The following PRKACA variants were observed in gnomAD, a reference collection of about 807,000 sequenced individuals.
PRKACA encodes the protein protein kinase cAMP-activated catalytic subunit alpha, also known as cAMP-dependent protein kinase catalytic subunit alpha.
PRKACA carries 9 observed loss-of-function variants against 45.8 expected under a neutral mutation model. The ratio of observed to expected loss-of-function variants is 0.20; its 90% confidence interval spans 0.12 to 0.34. The LOEUF (loss-of-function observed/expected upper bound fraction) is 0.34, where lower values mean the gene tolerates loss of function less well. PRKACA is among the 10% of genes least tolerant of loss of function. PRKACA has a pLI of 1.00. For missense variants in PRKACA, 238 were observed against 458.6 expected (o/e 0.52, Z 4.39); for synonymous variants, 160 against 178.6 (o/e 0.90, Z 0.83).
chr19:14,098,451 TG>T, intron 5 of PRKACA: 1 of 154,208 alleles, frequency 6.5e-6, no homozygotes, highest in East Asian at 1.9e-4. Flanking sequence ...TCTGTATGTA[TG>T]TAGATATGTG....
At chr19:14,105,487 G>T (rs1977575170) in intron 3 of PRKACA, among the ~76,000 whole-genome samples, 1 of 151,634 alleles carries the variant, frequency 6.6e-6, no homozygotes, top group African/African-American at 2.4e-5. Flanking sequence ...GTCCAGCCTG[G>T]GCGACAAGAG....
intron 1 of PRKACA, among the ~76,000 whole-genome samples, chr19:14,116,798 G>T (rs1967115920): frequency 6.6e-6 from 1 of 152,092 alleles, no homozygotes; most frequent in Non-Finnish European, 1.5e-5. Flanking sequence ...ACAGACGCTT[G>T]CTTGGAGGAC....
intron 9 of PRKACA, 105 bp from the exon 10 acceptor site, chr19:14,093,342 A>G: frequency 1.4e-6 from 2 of 1,434,174 alleles, no homozygotes; most frequent in East Asian, 2.3e-5. Context: ...ACTCTGACTC[A>G]GGCCTGTGCT....
At chr19:14,094,471 G>T (rs371240856) in intron 8 of PRKACA, among the ~76,000 whole-genome samples, 37 of 152,354 alleles carry the variant, frequency 2.4e-4, no homozygotes, top group African/African-American at 8.4e-4. Context: ...TTACAGGTGT[G>T]AGCCACCGTG....
chr19:14,114,382 C>T (rs1967063687), intron 1 of PRKACA, among the ~76,000 whole-genome samples: 1 of 152,152 alleles, frequency 6.6e-6, no homozygotes, highest in South Asian at 2.1e-4. Flanking sequence ...AAGGGGAGAG[C>T]TGCCTTGATA....
chr19:14,092,857 G>A lies in PRKACA; in HGVS notation c.*255C>T, dbSNP rs1332015981. ...GGGCTGGGAGGGCTGAGGGGCTGGGGGGCTGTGGGGAAAGAGGAAGGGAAA... is the reference window on the plus strand; with the variant it reads ...GGGCTGGGAGGGCTGAGGGGCTGGGAGGCTGTGGGGAAAGAGGAAGGGAAA... On this transcript the variant is annotated 3_prime_UTR_variant, in exon 10 of 10. Coordinates refer to ENST00000308677, the MANE Select transcript of PRKACA (RefSeq NM_002730.4). The A allele has an allele frequency of 1.9e-6, 1 of 515,836 alleles. No individual in the cohort carries two copies. The highest frequency in any genetic ancestry group is 3.3e-5 in the Admixed American group (1 of 30,012). 32.0% of individuals were successfully genotyped at this position (515,836 alleles called of 1,614,324 possible). A position where few individuals can be genotyped will look rare whatever the true frequency, so the allele number is the denominator to read the frequency against.
Position 14,092,239 on chromosome 19 carries a change from T to G in PRKACA, c.*873A>C. 4.8e-5 allele frequency: 8 copies of G among 167,464 alleles called. No individual in the cohort carries two copies. The highest frequency in any genetic ancestry group is 5.1e-5 in the Non-Finnish European group (4 of 78,056). 10.4% of individuals were successfully genotyped at this position (167,464 alleles called of 1,614,324 possible). A position where few individuals can be genotyped will look rare whatever the true frequency, so the allele number is the denominator to read the frequency against. On this transcript the variant is annotated 3_prime_UTR_variant, in exon 10 of 10. Coordinates refer to ENST00000308677, the MANE Select transcript of PRKACA (RefSeq NM_002730.4). Reference sequence around the variant, plus strand: ...TGGGCTTGGGGCTCCCCCTCTGTCTTTTTGGGGGATGACTCCTCTTTGGCA... The same window carrying G: ...TGGGCTTGGGGCTCCCCCTCTGTCTGTTTGGGGGATGACTCCTCTTTGGCA...
rs1044042127 is a variant in PRKACA at position 14,098,743 on chromosome 19, C to A, written c.420-853G>T. Among the ~76,000 whole-genome samples the A allele has an allele frequency of 1.1e-3, 169 of 150,332 alleles. 1 individual carries two copies. Among genetic ancestry groups the A allele is most frequent in the Non-Finnish European group, 1.6e-4 (11 of 67,718 alleles). Reference sequence around the variant, plus strand: ...ACTCCTGACCTTGTGATTCGCCCGCCTCGGCCTCCCAAAGTGCTGGGATTA... The same window carrying A: ...ACTCCTGACCTTGTGATTCGCCCGCATCGGCCTCCCAAAGTGCTGGGATTA... On this transcript the variant is annotated intron_variant, in intron 5 of 9. Transcript: ENST00000308677.
At position 14,107,930 on chromosome 19, in the gene PRKACA, G is replaced by C. The variant is rs1052723244; in HGVS notation, c.47-521C>G. ...GGGCATTGCTCCAGAGCTGGTTCAA[G>C]GGAAGTCTCGCCCGATGCCCACTCC... On this transcript the variant is annotated intron_variant, in intron 1 of 9. Transcript: ENST00000308677. The C allele has an allele frequency of 5.1e-6, 5 of 987,124 alleles. No individual in the cohort carries two copies. The African/African-American group carries it at 8.7e-5, about 17-fold the overall frequency. 61.1% of individuals were successfully genotyped at this position (987,124 alleles called of 1,614,324 possible). A position where few individuals can be genotyped will look rare whatever the true frequency, so the allele number is the denominator to read the frequency against.
intron 1 of PRKACA, among the ~76,000 whole-genome samples, chr19:14,117,028 A>C (rs1273514755): frequency 3.7e-5 from 5 of 135,036 alleles, no homozygotes; most frequent in East Asian, 2.4e-4. Context: ...TGGAGGGGGG[A>C]GGGGTGTGGT....
Position 14,106,847 on chromosome 19 carries a change from G to C in PRKACA, c.150C>G (p.Leu50=). Reference sequence around the variant, plus strand: ...TCACCCGCCCGAAGGAGCCCGTGCCGAGGGTCTTGATTCGTTCAAACTGAT... The same window carrying C: ...TCACCCGCCCGAAGGAGCCCGTGCCCAGGGTCTTGATTCGTTCAAACTGAT... ...HLDQFERIKT[L]GTGSFGRVML... Residue 50 remains leucine, a synonymous_variant, in exon 3 of 10, where the codon CTC becomes CTG. Transcript: ENST00000308677. The C allele has an allele frequency of 1.9e-6, 3 of 1,614,190 alleles. No homozygotes were observed. Among genetic ancestry groups the C allele is most frequent in the Non-Finnish European group, 2.5e-6 (3 of 1,180,032 alleles).
At chr19:14,116,754 T>C (rs1167790777) in intron 1 of PRKACA, among the ~76,000 whole-genome samples, 1 of 152,100 alleles carries the variant, frequency 6.6e-6, no homozygotes, top group Non-Finnish European at 1.5e-5. Context: ...AGCAATTCTC[T>C]ACGTTCATAA....
intron 1 of PRKACA, chr19:14,112,672 G>C (rs897910401): frequency 1.3e-5 from 2 of 152,284 alleles, no homozygotes; most frequent in African/African-American, 4.8e-5. Context: ...GAGGCAATGG[G>C]AAGATTCTCC....
chr19:14,099,064 G>T (rs1002149606), intron 5 of PRKACA, among the ~76,000 whole-genome samples: 3 of 151,992 alleles, frequency 2.0e-5, no homozygotes, highest in South Asian at 2.1e-4. Context: ...AGGCGGGGGG[G>T]GCGGATCACC....
At chr19:14,117,401 A>G in intron 1 of PRKACA, 101 bp downstream of exon 1, 2 of 1,153,580 alleles carry the variant, frequency 1.7e-6, no homozygotes, top group Non-Finnish European at 2.1e-6. Context: ...GGGTAGGCAG[A>G]GAGGATGAGG....
Position 14,092,253 on chromosome 19 carries a change from T to G in PRKACA, c.*859A>C, listed in dbSNP as rs992654214. The G allele has an allele frequency of 5.4e-6, 1 of 184,084 alleles. No homozygotes were observed. The highest frequency in any genetic ancestry group is 2.3e-5 in the African/African-American group (1 of 42,776). The allele number at this position is 184,084 out of a possible 1,614,324, so 11.4% of individuals were successfully genotyped here. A position where few individuals can be genotyped will look rare whatever the true frequency, so the allele number is the denominator to read the frequency against. On this transcript the variant is annotated 3_prime_UTR_variant, in exon 10 of 10. Transcript: ENST00000308677. ...CCCCTCTGTCTTTTTGGGGGATGACTCCTCTTTGGCAGGGAGAGGGGCAGC... is the reference window on the plus strand; with the variant it reads ...CCCCTCTGTCTTTTTGGGGGATGACGCCTCTTTGGCAGGGAGAGGGGCAGC...
intron 2 of PRKACA, 79 bp from the exon 3 acceptor site, chr19:14,106,967 GCCACC>G (rs1977630804): frequency 2.6e-6 from 4 of 1,558,248 alleles, no homozygotes; most frequent in South Asian, 2.4e-5. Context: ...CATCCCCTCT[GCCACC>G]GGCAGAGGGG....
intron 9 of PRKACA, 152 bp downstream of exon 9, chr19:14,093,476 C>G (rs988692269): frequency 2.6e-6 from 3 of 1,142,932 alleles, no homozygotes; most frequent in African/African-American, 3.1e-5. Flanking sequence ...CCAAATGACC[C>G]CAGAATCCCA....
chr19:14,117,274 G>A (rs891994506), intron 1 of PRKACA, among the ~76,000 whole-genome samples: 2 of 151,914 alleles, frequency 1.3e-5, no homozygotes, highest in Non-Finnish European at 2.9e-5. Flanking sequence ...GTGACAGCTG[G>A]GGGGGAGCAC....
Sources: gnomAD v4.1 joint callset for allele counts (sites outside exome capture counted in the v4.1 genomes callset) on GRCh38, gnomAD v4.1.1 for gene constraint, MANE v1.5 for transcripts, NCBI Gene and HGNC (gene_info 2026-07-23, HGNC 2026-07-21) for gene names.